HMCN2: variants seen among roughly 807,000 people sequenced by gnomAD.
The protein encoded by HMCN2 is hemicentin 2.
A neutral mutation model predicts 377.5 loss-of-function variants in HMCN2; 325 were observed. That is an observed-to-expected ratio of 0.86 (90% CI 0.79 to 0.94). The LOEUF (loss-of-function observed/expected upper bound fraction) is 0.94. HMCN2 is among the 40% of genes least tolerant of loss of function. The pLI is 0.00. For synonymous variants in HMCN2, 2,007 were observed against 2,046.8 expected (o/e 0.98, Z 0.53); for missense variants, 4,543 against 4,725.3 (o/e 0.96, Z 1.13).
rs28973140 is a variant in HMCN2, at chr9:130,347,830, A to G, written c.4024+470A>G. ...CAGGAGATCGAGACCAGTTTGGGAG[A>G]GAGAGACCCTGTCTCTACATAAAAT... On this transcript the variant is annotated intron_variant, in intron 26 of 97. Coordinates refer to ENST00000683500, the MANE Select transcript of HMCN2 (RefSeq NM_001291815.2). This position sits in a 1 kb window ranked among gnomAD's most constrained non-coding sequence, Gnocchi z 5.1. 0.11 allele frequency among the ~76,000 whole-genome samples: 17,281 copies of G among 152,200 alleles called. 1,086 individuals carry two copies. Among genetic ancestry groups the G allele is most frequent in the East Asian group, 0.19 (1,002 of 5,180 alleles).
At position 130,296,732 on chromosome 9, in the gene HMCN2, G is replaced by A. The variant is rs1211952720; in HGVS notation, c.950G>A (p.Arg317Gln). Residue 317 changes from arginine (R) to glutamine (Q), a missense_variant, in exon 7 of 98, where the codon CGA becomes CAA. Around this residue, in one of 5 missense-constraint regions of HMCN2, gnomAD observed 547 missense variants for 189.9 expected, o/e 2.88. Transcript: ENST00000683500. ...RITGVSNIDF[R>Q]AGFSTQPLLD... ...ACAGGCGTCAGCAACATTGACTTCCGAGCCGGCTTCTCCACTCAGCCCTTG... is the reference window on the plus strand; with the variant it reads ...ACAGGCGTCAGCAACATTGACTTCCAAGCCGGCTTCTCCACTCAGCCCTTG... 5 of 471,032 alleles carry A rather than the reference G, an allele frequency of 1.1e-5. No homozygotes were observed. The highest frequency in any genetic ancestry group is 2.2e-5 in the Non-Finnish European group (5 of 227,072). 29.2% of individuals were successfully genotyped at this position (471,032 alleles called of 1,614,324 possible). A position where few individuals can be genotyped will look rare whatever the true frequency, so the allele number is the denominator to read the frequency against.
chr9:130,405,929 C>A, intron 81 of HMCN2, 26 bp from the exon 82 acceptor site: 1 of 1,270,372 alleles, frequency 7.9e-7, no homozygotes, highest in Non-Finnish European at 1.0e-6. Context: ...GGCAGTTCTC[C>A]GGCCAACCCC....
intron 15 of HMCN2, among the ~76,000 whole-genome samples, chr9:130,311,079 G>T (rs1201771433): frequency 7.2e-5 from 11 of 152,228 alleles, no homozygotes; most frequent in Admixed American, 7.2e-4. Context: ...GGAGTTCCTG[G>T]CACTGGGACT....
At chr9:130,322,976 A>T (rs1837933266) in intron 19 of HMCN2, among the ~76,000 whole-genome samples, 1 of 152,212 alleles carries the variant, frequency 6.6e-6, no homozygotes, top group Admixed American at 6.5e-5. Context: ...TGCAAAGTTC[A>T]GAAGGGCTGG....
chr9:130,395,799 T>A, intron 71 of HMCN2, 125 bp from the exon 72 acceptor site: 1 of 1,040,888 alleles, frequency 9.6e-7, no homozygotes, highest in Non-Finnish European at 1.2e-6. Context: ...GGGCCTGCGG[T>A]CAGCCTGGAA....
intron 1 of HMCN2, among the ~76,000 whole-genome samples, chr9:130,278,961 T>G (rs1834959923): frequency 6.7e-6 from 1 of 149,480 alleles, no homozygotes; most frequent in Admixed American, 6.7e-5. Flanking sequence ...TGCAATGGCG[T>G]GATCCTGGCT....
Position 130,427,339 on chromosome 9 carries a change from G to T in HMCN2, c.13906G>T (p.Gly4636Cys). 8 of 1,550,572 alleles carry T rather than the reference G, an allele frequency of 5.2e-6. No individual in the cohort carries two copies. The highest frequency in any genetic ancestry group is 7.0e-6 in the Non-Finnish European group (8 of 1,146,990). Reference protein sequence around the residue: ...AEENEVGCPEGFELDSQGAFC... With the variant: ...AEENEVGCPECFELDSQGAFC... ...GGAGAACGAGGTCGGCTGCCCCGAGGGCTTTGAGCTGGACTCCCAGGGAGC... is the reference window on the plus strand; with the variant it reads ...GGAGAACGAGGTCGGCTGCCCCGAGTGCTTTGAGCTGGACTCCCAGGGAGC... The change falls in exon 91 of 98, where the codon GGC (glycine) becomes TGC (cysteine). Residue 4636 changes from glycine to cysteine, a missense_variant. Coordinates refer to ENST00000683500, the MANE Select transcript of HMCN2 (RefSeq NM_001291815.2).
intron 4 of HMCN2, among the ~76,000 whole-genome samples, chr9:130,292,997 TCTACCTAC>T (rs66620281): frequency 1.9e-5 from 2 of 106,518 alleles, no homozygotes; most frequent in African/African-American, 2.9e-5. Flanking sequence ...TATCTATCTA[TCTACCTAC>T]CTACCTGCCT....
At chr9:130,420,119 G>C (rs1843918621) in intron 86 of HMCN2, among the ~76,000 whole-genome samples, 1 of 131,848 alleles carries the variant, frequency 7.6e-6, no homozygotes, top group South Asian at 2.5e-4. Flanking sequence ...TTGTTGCCCA[G>C]GCTGGAGTGC....
chr9:130,280,147 TGTG>T (rs1405574474), intron 1 of HMCN2, among the ~76,000 whole-genome samples: 2 of 104,508 alleles, frequency 1.9e-5, no homozygotes, highest in Non-Finnish European at 3.5e-5. Flanking sequence ...TGTGTGTGTG[TGTG>T]TTTTTTTTTT....
intron 22 of HMCN2, among the ~76,000 whole-genome samples, chr9:130,332,899 G>A (rs1182635839): frequency 3.9e-5 from 6 of 152,196 alleles, no homozygotes; most frequent in East Asian, 3.9e-4. Context: ...GGGGAGTGCC[G>A]TTCATTCCAC....
intron 94 of HMCN2, 137 bp from the exon 95 acceptor site, chr9:130,430,147 G>C: frequency 1.4e-6 from 1 of 729,922 alleles, no homozygotes; most frequent in East Asian, 2.7e-5. Flanking sequence ...GGGGGATGCA[G>C]CGTGGCTCAC....
At chr9:130,305,842 C>T (rs1398841203) in intron 11 of HMCN2, among the ~76,000 whole-genome samples, 1 of 152,192 alleles carries the variant, frequency 6.6e-6, no homozygotes, top group Non-Finnish European at 1.5e-5. Context: ...CTCCCTAAGG[C>T]TCCCTAGAGC....
Position 130,428,025 on chromosome 9 carries a change from C to T in HMCN2, c.14066-333C>T, listed in dbSNP as rs1254838941. On this transcript the variant is annotated intron_variant, in intron 92 of 97. Transcript: ENST00000683500. This position sits in a 1 kb window ranked among gnomAD's most constrained non-coding sequence, Gnocchi z 5.0. ...CTGACCTCAGGTGATGGTGCTGACG[C>T]TGACCCCCAGTCTGCATCCCTGCAC... Among the ~76,000 whole-genome samples the T allele has an allele frequency of 6.6e-6, 1 of 152,228 alleles. No individual in the cohort carries two copies. Among genetic ancestry groups the T allele is most frequent in the Non-Finnish European group, 1.5e-5 (1 of 68,036 alleles).
chr9:130,394,099 T>G lies in HMCN2; in HGVS notation c.10501+91T>G. The G allele has an allele frequency of 8.8e-5, 96 of 1,093,146 alleles. No homozygotes were observed. Among genetic ancestry groups the G allele is most frequent in the Non-Finnish European group, 1.0e-4 (88 of 857,340 alleles). 67.7% of individuals were successfully genotyped at this position (1,093,146 alleles called of 1,614,324 possible). A position where few individuals can be genotyped will look rare whatever the true frequency, so the allele number is the denominator to read the frequency against. ...TGGGAAGGACAGTGAGGGAGGTGAG[T>G]CCCCTGGAGACCTGGGACTGCCACC... On this transcript the variant is annotated intron_variant, in intron 68 of 97. Transcript: ENST00000683500. This position sits in a 1 kb window ranked among gnomAD's most constrained non-coding sequence, Gnocchi z 5.1.
chr9:130,430,504 C>T lies in HMCN2; in HGVS notation c.14547C>T (p.Tyr4849=), dbSNP rs1844675492. ...RPWASIPGTS[Y]HAWVSLRPGP... is the part of the protein sequence containing the mutation. The stretch of plus-strand genomic sequence containing the variant: ...GGGCCTCGATCCCCGGTACCTCCTA[C>T]CACGCCTGGGTCTCTCTCCGTCCGG... Residue 4849 remains tyrosine, a synonymous_variant, in exon 95 of 98, where the codon TAC becomes TAT. Transcript: ENST00000683500. 6.4e-7 allele frequency: 1 copy of T among 1,550,600 alleles called. No individual in the cohort carries two copies.
At chr9:130,326,927 T>C (rs1487112121) in intron 21 of HMCN2, among the ~76,000 whole-genome samples, 2 of 152,038 alleles carry the variant, frequency 1.3e-5, no homozygotes, top group Non-Finnish European at 2.9e-5. Flanking sequence ...ATCATGGGAA[T>C]AAGTGAATGA....
Position 130,325,839 on chromosome 9 carries a change from C to T in HMCN2, c.3062C>T (p.Pro1021Leu), listed in dbSNP as rs1838104732. 1 of 152,340 alleles carries T rather than the reference C, an allele frequency of 6.6e-6. No individual in the cohort carries two copies. Among genetic ancestry groups the T allele is most frequent in the Non-Finnish European group, 1.5e-5 (1 of 68,128 alleles). 9.4% of individuals were successfully genotyped at this position (152,340 alleles called of 1,614,324 possible). A position where few individuals can be genotyped will look rare whatever the true frequency, so the allele number is the denominator to read the frequency against. The change falls in exon 21 of 98, where the codon CCC becomes CTC. Residue 1021 changes from proline (P) to leucine (L), a missense_variant. Physicochemically the swap from Pro to Leu is moderately conservative, Grantham distance 98 (BLOSUM62 -3). Transcript: ENST00000683500. ...ACCAATGCCCTGACCTCCAGAGGTCCCCACTACAATGTGAGTAAGGAGGGC... is the reference window on the plus strand; with the variant it reads ...ACCAATGCCCTGACCTCCAGAGGTCTCCACTACAATGTGAGTAAGGAGGGC... ...KETNALTSRGPHYNVSKEGTL... is the reference protein window; with the variant it reads ...KETNALTSRGLHYNVSKEGTL...
At chr9:130,425,626 C>A (rs965626976) in intron 89 of HMCN2, 61 bp from the exon 90 acceptor site, 1 of 1,157,942 alleles carries the variant, frequency 8.6e-7, no homozygotes, top group Non-Finnish European at 1.2e-6. Context: ...CCCTTCCAAC[C>A]CTGACCCCTT....
Sources: allele counts gnomAD v4.1 joint callset (sites outside exome capture counted in the v4.1 genomes callset), GRCh38; gene constraint gnomAD v4.1.1; regional missense constraint gnomAD v4.1.1; non-coding constraint Gnocchi (gnomAD v3.1); transcripts MANE v1.5; gene names NCBI Gene and HGNC (gene_info 2026-07-23, HGNC 2026-07-21).